ADPRM: variants seen among roughly 807,000 people sequenced by gnomAD.
The protein encoded by ADPRM is manganese-dependent ADP-ribose/CDP-alcohol diphosphatase.
A neutral mutation model predicts 27.2 loss-of-function variants in ADPRM; 17 were observed. The ratio of observed to expected loss-of-function variants is 0.63; its 90% CI spans 0.43 to 0.94. The LOEUF is 0.94. Among genes scored for constraint, ADPRM ranks in the 40% least tolerant of loss-of-function variants. ADPRM has a pLI of 0.00. For synonymous variants in ADPRM, 135 were observed against 145.3 expected (o/e 0.93, Z 0.51); for missense variants, 337 against 412.8 (o/e 0.82, Z 1.59).
chr17:10,709,161 G>T (rs1305954103), intron 3 of ADPRM, among the ~76,000 whole-genome samples: 1 of 152,210 alleles, frequency 6.6e-6, no homozygotes, highest in Non-Finnish European at 1.5e-5. Flanking sequence ...GCAGTTGGAA[G>T]GATAGAATTG....
chr17:10,700,037 C>T (rs2074766160), intron 1 of ADPRM, among the ~76,000 whole-genome samples: 1 of 152,214 alleles, frequency 6.6e-6, no homozygotes, highest in Non-Finnish European at 1.5e-5. Flanking sequence ...TTGTGCCTAA[C>T]TCCTAACCAC....
chr17:10,697,832 G>A (rs1597512298), intron 1 of ADPRM, 165 bp downstream of exon 1: 1 of 372,820 alleles, frequency 2.7e-6, no homozygotes, highest in Non-Finnish European at 4.9e-6. Context: ...CTTTGGTCGT[G>A]GGCTTCGGTG....
chr17:10,711,236 CA>C lies in ADPRM; in HGVS notation c.*93del. 3 of 976,508 alleles carry C rather than the reference CA, an allele frequency of 3.1e-6. No homozygotes were observed. Among genetic ancestry groups the C allele is most frequent in the Non-Finnish European group, 4.5e-6 (3 of 672,450 alleles). The allele number at this position is 976,508 out of a possible 1,614,324, so 60.5% of individuals were successfully genotyped here. A position where few individuals can be genotyped will look rare whatever the true frequency, so the allele number is the denominator to read the frequency against. The stretch of plus-strand genomic sequence containing the variant: ...ATCCTCTGTCTCATTGTTTAGTATT[CA>C]GCTTGCATAACAAAATGTATTTATA... On this transcript the variant is annotated 3_prime_UTR_variant, in exon 4 of 4. Coordinates refer to ENST00000379774, the MANE Select transcript of ADPRM (RefSeq NM_020233.5).
In ADPRM at chr17:10,706,194, A is replaced by C. The variant is rs1411720593; in HGVS notation, c.602-244A>C. On this transcript the variant is annotated intron_variant, in intron 2 of 3. Coordinates refer to ENST00000379774, the MANE Select transcript of ADPRM (RefSeq NM_020233.5). ...GAATATGTAGCGGCTGAGTGGACTT[A>C]AGAAGTTTGCATTTTTAATATAATG... is the stretch of plus-strand genomic sequence containing the variant. Among the ~76,000 whole-genome samples the C allele has an allele frequency of 2.0e-5, 3 of 152,184 alleles. No individual in the cohort carries two copies. In the East Asian group the frequency reaches 5.8e-4, roughly 29 times the overall value.
rs761697635 is a variant in ADPRM at position 10,710,866 on chromosome 17, A to G, written c.751A>G (p.Asn251Asp). The G allele has an allele frequency of 8.7e-6, 14 of 1,614,100 alleles. No homozygotes were observed. The highest frequency in any genetic ancestry group is 1.2e-5 in the Non-Finnish European group (14 of 1,180,010). ...HLPIYPDASD[N>D]VCLAWNYRDA... Reference sequence around the variant, plus strand: ...TCCCATTTACCCGGACGCCTCTGACAATGTGTGCCTGGCCTGGAACTACAG... The same window carrying G: ...TCCCATTTACCCGGACGCCTCTGACGATGTGTGCCTGGCCTGGAACTACAG... Residue 251 changes from asparagine to aspartate, a missense_variant, in exon 4 of 4, where the codon AAT becomes GAT. Asn to Asp is a conservative substitution (Grantham distance 23). Transcript: ENST00000379774.
intron 3 of ADPRM, among the ~76,000 whole-genome samples, chr17:10,707,449 G>A (rs2074820516): frequency 6.6e-6 from 1 of 152,142 alleles, no homozygotes; most frequent in Admixed American, 6.5e-5. Context: ...TCTAAAGTGT[G>A]GAATCCAGGT....
chr17:10,707,236 A>C (rs1178333148), intron 3 of ADPRM, among the ~76,000 whole-genome samples: 1 of 152,126 alleles, frequency 6.6e-6, no homozygotes, highest in Admixed American at 6.6e-5. Flanking sequence ...TTAGCAGGGC[A>C]TGGTGGTGCG....
chr17:10,705,473 T>C lies in ADPRM; in HGVS notation c.547T>C (p.Cys183Arg), dbSNP rs138089577. The C allele has an allele frequency of 2.5e-6, 4 of 1,613,926 alleles. No homozygotes were observed. Among genetic ancestry groups the C allele is most frequent in the East Asian group, 2.2e-5 (1 of 44,874 alleles). The change falls in exon 2 of 4, where the codon TGT becomes CGT. Residue 183 changes from cysteine to arginine, a missense_variant. Physicochemically the swap from Cys to Arg is radical, Grantham distance 180 (BLOSUM62 -3). Coordinates refer to ENST00000379774, the MANE Select transcript of ADPRM (RefSeq NM_020233.5). The surrounding 1 kb of genome is among the most constrained non-coding windows in gnomAD (Gnocchi z 5.4). The part of the protein sequence containing the change: ...VDQSSPKYEQ[C>R]MKILREHNPN... ...TCAGTCTTCTCCAAAATACGAGCAGTGTATGAAGATATTGAGGGAGCACAA... is the reference window on the plus strand; with the variant it reads ...TCAGTCTTCTCCAAAATACGAGCAGCGTATGAAGATATTGAGGGAGCACAA...
Position 10,697,623 on chromosome 17 carries a change from C to T in ADPRM, c.-62C>T, listed in dbSNP as rs2151459764. On this transcript the variant is annotated 5_prime_UTR_variant, in exon 1 of 4. Transcript: ENST00000379774. ...GTCCCGCTCGTTGGTGGCGCTGTTA[C>T]ATAGCCCGTAGTCAGAGGCCTTTCA... The T allele has an allele frequency of 2.3e-6, 3 of 1,319,102 alleles. No homozygotes were observed. Among genetic ancestry groups the T allele is most frequent in the East Asian group, 2.5e-5 (1 of 40,680 alleles). The allele number at this position is 1,319,102 out of a possible 1,614,324, so 81.7% of individuals were successfully genotyped here. A position where few individuals can be genotyped will look rare whatever the true frequency, so the allele number is the denominator to read the frequency against.
rs1277826194 is a variant in ADPRM, at chr17:10,697,669, T to TA, written c.-18+3dup. The TA allele has an allele frequency of 5.7e-6, 5 of 877,922 alleles. No individual in the cohort carries two copies. The highest frequency in any genetic ancestry group is 9.0e-6 in the Non-Finnish European group (5 of 553,344). 54.4% of individuals were successfully genotyped at this position (877,922 alleles called of 1,614,324 possible). ...TTTCAGCCCAGGGGCCGGCGCACGG[T>TA]AGGTAGTTCCCTGCGGCTGGAGGCG... On this transcript the variant is annotated splice_region_variant and intron_variant, in intron 1 of 3. Coordinates refer to ENST00000379774, the MANE Select transcript of ADPRM (RefSeq NM_020233.5).
intron 2 of ADPRM, 69 bp from the exon 3 acceptor site, chr17:10,706,369 A>T: frequency 9.7e-7 from 1 of 1,036,208 alleles, no homozygotes; most frequent in Non-Finnish European, 1.5e-6. Flanking sequence ...TCCCTACATT[A>T]ACTAAATTTG....
Position 10,705,288 on chromosome 17 carries a change from TAACACACTCTA to T in ADPRM, c.366_376del (p.His123Ter). ...TTCTATAACTTCAGTAGAGAGTATT[TAACACACTCTA>T]AACTTAACACTAAGTTTCTAGAAGA... is the stretch of plus-strand genomic sequence containing the variant. On this transcript the variant is annotated frameshift_variant, in exon 2 of 4. Coordinates refer to ENST00000379774, the MANE Select transcript of ADPRM (RefSeq NM_020233.5). LOFTEE classifies it high-confidence loss of function. This position sits in a 1 kb window ranked among gnomAD's most constrained non-coding sequence, Gnocchi z 5.4. The T allele has an allele frequency of 6.2e-7, 1 of 1,613,908 alleles. No individual in the cohort carries two copies. The highest frequency in any genetic ancestry group is 8.5e-7 in the Non-Finnish European group (1 of 1,179,892).
chr17:10,708,450 A>AAAAAAAAAAAAAAAAAAAAC, intron 3 of ADPRM, among the ~76,000 whole-genome samples: 1 of 118,938 alleles, frequency 8.4e-6, no homozygotes, highest in Non-Finnish European at 1.6e-5. Context: ...AAAAAAAAAA[A>AAAAAAAAAAAAAAAAAAAAC]CCTTTGAAAA....
intron 1 of ADPRM, chr17:10,699,019 GATCT>G (rs1385663382): frequency 6.6e-6 from 1 of 151,888 alleles, no homozygotes; most frequent in Non-Finnish European, 1.5e-5. Context: ...GTTTCTACCT[GATCT>G]ATTAAATTTT....
chr17:10,698,618 G>A (rs976267447), intron 1 of ADPRM, among the ~76,000 whole-genome samples: 2 of 152,114 alleles, frequency 1.3e-5, no homozygotes, highest in African/African-American at 4.8e-5. Flanking sequence ...ACCAGAGCAT[G>A]GTTGGTTTGC....
At position 10,711,010 on chromosome 17, in the gene ADPRM, G is replaced by C. The variant is rs770164926; in HGVS notation, c.895G>C (p.Val299Leu). The C allele has an allele frequency of 6.2e-7, 1 of 1,614,130 alleles. No homozygotes were observed. The highest frequency in any genetic ancestry group is 1.7e-5 in the Admixed American group (1 of 60,012). The change falls in exon 4 of 4, where the codon GTT becomes CTT. Residue 299 changes from valine (V) to leucine (L), a missense_variant. Coordinates refer to ENST00000379774, the MANE Select transcript of ADPRM (RefSeq NM_020233.5). ...TGTATACCACGTCAACCTAGAAGGA[G>C]TTATTGAAACAGCTCCAGACAGCCA... ...FGVYHVNLEG[V>L]IETAPDSQAF...
In ADPRM at chr17:10,706,419, C is replaced by G; in HGVS notation, c.602-19C>G. ...GGGAAAAATGACTTGATGGGGCTAA[C>G]TTACTGAATTCATTTCAGGACTTTC... On this transcript the variant is annotated intron_variant, in intron 2 of 3. Transcript: ENST00000379774. The G allele has an allele frequency of 6.4e-7, 1 of 1,556,096 alleles. No homozygotes were observed. Among genetic ancestry groups the G allele is most frequent in the Admixed American group, 1.8e-5 (1 of 55,306 alleles).
intron 1 of ADPRM, among the ~76,000 whole-genome samples, chr17:10,700,262 G>T (rs1567578845): frequency 1.3e-5 from 2 of 152,178 alleles, no homozygotes; most frequent in South Asian, 4.1e-4. Context: ...TCTTTTACAA[G>T]TTCATTATTG....
At chr17:10,700,709 A>C (rs1035921542) in intron 1 of ADPRM, among the ~76,000 whole-genome samples, 7 of 151,086 alleles carry the variant, frequency 4.6e-5, no homozygotes, top group Non-Finnish European at 1.0e-4. Context: ...GGCTACAGTG[A>C]GCCATGATCG....
Sources: allele counts gnomAD v4.1 joint callset (sites outside exome capture counted in the v4.1 genomes callset), GRCh38; gene constraint gnomAD v4.1.1; non-coding constraint Gnocchi (gnomAD v3.1); transcripts MANE v1.5; gene names NCBI Gene and HGNC (gene_info 2026-07-23, HGNC 2026-07-21).